Variants in PCNX2 observed in about 807,000 individuals in gnomAD.
PCNX2 encodes the protein pecanex-like protein 2.
In PCNX2, 168 loss-of-function variants were observed where a neutral mutation model predicts 223.8. The observed-to-expected ratio is 0.75, with a 90% CI of 0.66 to 0.85. PCNX2 has a LOEUF of 0.85. Among genes scored for constraint, PCNX2 ranks in the 40% least tolerant of loss-of-function variants. The probability of loss-of-function intolerance (pLI) is 0.00; values close to 1 mark genes in which losing one functional copy is unlikely to be tolerated. For missense variants in PCNX2, 2,507 were observed against 2,675.5 expected, an observed-to-expected ratio of 0.94 and a Z score of 1.39; for synonymous variants, 1,006 against 1,052.6, an observed-to-expected ratio of 0.96 and a Z score of 0.86.
At chr1:233,069,709 A>C (rs1243283780) in intron 23 of PCNX2, among the ~76,000 whole-genome samples, 1 of 152,170 alleles carries the variant, frequency 6.6e-6, no homozygotes, top group Non-Finnish European at 1.5e-5. Flanking sequence ...AAATGGAAAT[A>C]AAGATATCAA....
At chr1:233,222,814 C>T (rs1253015768) in intron 10 of PCNX2, among the ~76,000 whole-genome samples, 2 of 152,276 alleles carry the variant, frequency 1.3e-5, no homozygotes, top group East Asian at 1.9e-4. Context: ...GGGAAGACCA[C>T]AAGTGGAGCA....
chr1:233,118,138 C>T (rs1036320439), intron 21 of PCNX2, among the ~76,000 whole-genome samples: 4 of 151,974 alleles, frequency 2.6e-5, no homozygotes, highest in Non-Finnish European at 5.9e-5. Context: ...ATAAAAATCA[C>T]AGAATTACAT....
chr1:233,246,362 G>C (rs188361418), intron 8 of PCNX2, among the ~76,000 whole-genome samples: 29 of 152,272 alleles, frequency 1.9e-4, no homozygotes, highest in African/African-American at 7.0e-4. Flanking sequence ...ACATCTGCCT[G>C]GGCTCTGAGG....
chr1:233,027,111 A>G (rs1490556701), intron 25 of PCNX2, among the ~76,000 whole-genome samples: 3 of 110,700 alleles, frequency 2.7e-5, no homozygotes, highest in African/African-American at 2.0e-4. Context: ...GTGAGTTAGA[A>G]AGAAAACCAA....
intron 21 of PCNX2, among the ~76,000 whole-genome samples, chr1:233,099,520 C>T (rs1674362719): frequency 6.6e-6 from 1 of 152,214 alleles, no homozygotes; most frequent in Non-Finnish European, 1.5e-5. Context: ...CTTACTTGTG[C>T]TTCTCGAATG....
chr1:233,183,440 T>C (rs968303266), intron 15 of PCNX2, among the ~76,000 whole-genome samples: 3 of 152,166 alleles, frequency 2.0e-5, no homozygotes, highest in African/African-American at 4.8e-5. Context: ...GGACAAGAAT[T>C]TTCAGCAAGA....
chr1:233,090,040 G>C (rs1258178399), intron 23 of PCNX2, 21 bp downstream of exon 23: 3 of 1,613,330 alleles, frequency 1.9e-6, no homozygotes, highest in Non-Finnish European at 2.5e-6. Context: ...AAGCAATTGA[G>C]CACTGATTTT....
intron 8 of PCNX2, among the ~76,000 whole-genome samples, chr1:233,242,280 T>C (rs1311240862): frequency 6.6e-6 from 1 of 152,348 alleles, no homozygotes; most frequent in African/African-American, 2.4e-5. Flanking sequence ...ATATTTATAT[T>C]ACCATCCTAC....
intron 23 of PCNX2, among the ~76,000 whole-genome samples, chr1:233,085,429 T>C (rs1049190494): frequency 1.3e-5 from 2 of 152,036 alleles, no homozygotes; most frequent in African/African-American, 2.4e-5. Flanking sequence ...AAGGTATATA[T>C]AGACTACACC....
chr1:233,296,543 G>A (rs995872489), upstream of PCNX2, among the ~76,000 whole-genome samples: 8 of 152,174 alleles, frequency 5.3e-5, no homozygotes, highest in Non-Finnish European at 1.2e-4. Flanking sequence ...CATTTACAGT[G>A]GATACAGTTT....
chr1:233,049,306 T>C (rs74371522), intron 25 of PCNX2, among the ~76,000 whole-genome samples: 12,889 of 152,190 alleles, frequency 0.085, 597 homozygotes, highest in African/African-American at 0.12. Flanking sequence ...TCAGCTTCAT[T>C]CCTAGGATGC....
At chr1:233,241,843 ATTCCTG>A (rs1658789344) in intron 8 of PCNX2, among the ~76,000 whole-genome samples, 1 of 152,078 alleles carries the variant, frequency 6.6e-6, no homozygotes, top group Admixed American at 6.5e-5. Context: ...ATTGCCTCAC[ATTCCTG>A]TTCAGCTATT....
rs917687778 is a variant in PCNX2 at position 233,232,732 on chromosome 1, T to C, written c.2358+4113A>G. 3 of 839,182 alleles carry C rather than the reference T, an allele frequency of 3.6e-6. No homozygotes were observed. In the African/African-American group the frequency reaches 5.6e-5, roughly 16 times the overall value. 52.0% of individuals were successfully genotyped at this position (839,182 alleles called of 1,614,324 possible). On this transcript the variant is annotated intron_variant, in intron 9 of 33. Transcript: ENST00000258229. ...TGTTAATGTTTTAATGATAGTAAAT[T>C]GTGATGTAAATGCTACCTTTATATC...
intron 23 of PCNX2, among the ~76,000 whole-genome samples, chr1:233,069,161 C>T (rs928621468): frequency 3.3e-5 from 5 of 152,094 alleles, no homozygotes; most frequent in Non-Finnish European, 7.4e-5. Flanking sequence ...AAAGAAAACA[C>T]ATCAGTCCTA....
intron 15 of PCNX2, among the ~76,000 whole-genome samples, chr1:233,184,013 C>T (rs1572036403): frequency 6.6e-6 from 1 of 152,202 alleles, no homozygotes; most frequent in Non-Finnish European, 1.5e-5. Flanking sequence ...TTGACCATTA[C>T]ACAATAAACA....
At chr1:233,219,716 C>T (rs184494390) in intron 10 of PCNX2, among the ~76,000 whole-genome samples, 1 of 152,248 alleles carries the variant, frequency 6.6e-6, no homozygotes, top group African/African-American at 2.4e-5. Flanking sequence ...CATAGCCCCT[C>T]CCCACAGACA....
At chr1:233,032,155 T>G (rs1295650667) in intron 25 of PCNX2, 2 of 769,986 alleles carry the variant, frequency 2.6e-6, no homozygotes, top group African/African-American at 1.9e-5. Flanking sequence ...CAGGCTGGAG[T>G]GCAATGGCGC....
At chr1:233,245,983 A>C (rs1659092984) in intron 8 of PCNX2, among the ~76,000 whole-genome samples, 1 of 152,212 alleles carries the variant, frequency 6.6e-6, no homozygotes, top group Non-Finnish European at 1.5e-5. Flanking sequence ...ATACACTTTT[A>C]GATACAAATA....
chr1:233,306,693 G>A, the PCNX2 span, among the ~76,000 whole-genome samples: 1 of 152,158 alleles, frequency 6.6e-6, no homozygotes, highest in Non-Finnish European at 1.5e-5. Flanking sequence ...GTGCTTGAAG[G>A]TATCTGACCA....
Sources: allele counts gnomAD v4.1 joint callset (sites outside exome capture counted in the v4.1 genomes callset), GRCh38; gene constraint gnomAD v4.1.1; transcripts MANE v1.5; gene names NCBI Gene and HGNC (gene_info 2026-07-23, HGNC 2026-07-21).